Variants in CCNY observed in about 807,000 individuals in gnomAD.
CCNY encodes the protein cyclin-Y.
CCNY carries 19 observed loss-of-function variants against 42.8 expected under a neutral mutation model. The observed-to-expected ratio is 0.44, with a 90% CI of 0.31 to 0.65. The LOEUF (loss-of-function observed/expected upper bound fraction) is 0.65, where lower values mean the gene tolerates loss of function less well. Among genes scored for constraint, CCNY ranks in the 30% least tolerant of loss-of-function variants. The pLI, the probability that CCNY is intolerant of heterozygous loss-of-function variation, is 0.07. For synonymous variants in CCNY, 165 were observed against 162.7 expected, an observed-to-expected ratio of 1.01 and a Z score of -0.11; for missense variants, 370 against 437.3, an observed-to-expected ratio of 0.85 and a Z score of 1.37.
chr10:35,565,186 G>T (rs752215975), intron 8 of CCNY, among the ~76,000 whole-genome samples: 39 of 152,218 alleles, frequency 2.6e-4, no homozygotes, highest in South Asian at 8.3e-4. Flanking sequence ...ATTTCTCCCA[G>T]CATTCCATCA....
At chr10:35,260,774 G>A (rs2095718953) in intron 3 of CCNY, among the ~76,000 whole-genome samples, 1 of 152,206 alleles carries the variant, frequency 6.6e-6, no homozygotes, top group Non-Finnish European at 1.5e-5. Context: ...ATTAGAAGCT[G>A]ATAGTTCCAT....
intron 1 of CCNY, among the ~76,000 whole-genome samples, chr10:35,383,885 G>T (rs191929058): frequency 6.6e-6 from 1 of 152,028 alleles, no homozygotes; most frequent in African/African-American, 2.4e-5. Context: ...TTTCTTTCCT[G>T]CACTACTCTA....
chr10:35,516,720 C>T (rs1489814809), intron 4 of CCNY, 97 bp downstream of exon 4: 24 of 721,492 alleles, frequency 3.3e-5, no homozygotes, highest in Non-Finnish European at 5.1e-5. Context: ...GTTCCTTAAC[C>T]TGACAGCTAA....
At chr10:35,248,852 GA>G (rs1326030701) in intron 2 of CCNY, among the ~76,000 whole-genome samples, 1 of 152,046 alleles carries the variant, frequency 6.6e-6, no homozygotes, top group Non-Finnish European at 1.5e-5. Context: ...AAAAGAAAAA[GA>G]AAATCAAACT....
chr10:35,429,889 T>C, intron 1 of CCNY, among the ~76,000 whole-genome samples: 1 of 152,208 alleles, frequency 6.6e-6, no homozygotes. Context: ...GCCGCTAACC[T>C]TGAATATTTG....
intron 1 of CCNY, among the ~76,000 whole-genome samples, chr10:35,404,244 A>G (rs1837708053): frequency 6.6e-6 from 1 of 152,218 alleles, no homozygotes; most frequent in Non-Finnish European, 1.5e-5. Context: ...GCTAGGCTAA[A>G]ACAGTAAGGC....
intron 3 of CCNY, among the ~76,000 whole-genome samples, chr10:35,510,472 T>C (rs1385619507): frequency 1.3e-5 from 2 of 152,168 alleles, no homozygotes; most frequent in African/African-American, 4.8e-5. Context: ...CCACTTGGGC[T>C]TCCCAAAGTG....
intron 1 of CCNY, among the ~76,000 whole-genome samples, chr10:35,390,457 C>A (rs964781734): frequency 6.6e-6 from 1 of 152,180 alleles, no homozygotes; most frequent in Admixed American, 6.5e-5. Flanking sequence ...AAAGCTAGCC[C>A]TAAAGAAAAC....
Position 35,553,011 on chromosome 10 carries a change from C to T in CCNY, c.580-8C>T, listed in dbSNP as rs753894235. 2 of 1,612,430 alleles carry T rather than the reference C, an allele frequency of 1.2e-6. No individual in the cohort carries two copies. The highest frequency in any genetic ancestry group is 8.5e-7 in the Non-Finnish European group (1 of 1,178,578). On this transcript the variant is annotated splice_polypyrimidine_tract_variant and splice_region_variant and intron_variant, in intron 7 of 9. Coordinates refer to ENST00000374704, the MANE Select transcript of CCNY (RefSeq NM_145012.6). The stretch of plus-strand genomic sequence containing the variant: ...TCACTTAGCTCTGGCATTGTCTTGT[C>T]TTCCCAGGTGTACCTTGAAAGACTT...
At chr10:35,389,742 T>C (rs1410029721) in intron 1 of CCNY, among the ~76,000 whole-genome samples, 1 of 152,154 alleles carries the variant, frequency 6.6e-6, no homozygotes, top group African/African-American at 2.4e-5. Context: ...CGGCTGAGAA[T>C]TGTGACTCTT....
At chr10:35,428,825 TG>T (rs1838324421) in intron 1 of CCNY, among the ~76,000 whole-genome samples, 1 of 152,058 alleles carries the variant, frequency 6.6e-6, no homozygotes, top group South Asian at 2.1e-4. Context: ...GTTTGTGCAA[TG>T]GGATGATGGT....
intron 1 of CCNY, among the ~76,000 whole-genome samples, chr10:35,428,151 G>C (rs899393557): frequency 2.0e-5 from 3 of 152,236 alleles, no homozygotes; most frequent in African/African-American, 7.2e-5. Context: ...GTGGAACAAA[G>C]CAGATGCTGT....
chr10:35,509,163 C>T (rs1275311546), intron 3 of CCNY, among the ~76,000 whole-genome samples: 1 of 152,178 alleles, frequency 6.6e-6, no homozygotes, highest in Non-Finnish European at 1.5e-5. Context: ...GGCTTATTTT[C>T]TCGCTTTCAT....
At chr10:35,489,281 C>T (rs1488795037) in intron 2 of CCNY, among the ~76,000 whole-genome samples, 1 of 152,158 alleles carries the variant, frequency 6.6e-6, no homozygotes, top group African/African-American at 2.4e-5. Flanking sequence ...TATTCATCAT[C>T]AAAGCCTTTG....
At chr10:35,488,366 T>C (rs1839828923) in intron 2 of CCNY, among the ~76,000 whole-genome samples, 1 of 152,232 alleles carries the variant, frequency 6.6e-6, no homozygotes, top group Non-Finnish European at 1.5e-5. Flanking sequence ...CCTCCTCTTA[T>C]CTAGCATTTA....
intron 3 of CCNY, among the ~76,000 whole-genome samples, chr10:35,285,005 A>C (rs994067273): frequency 6.6e-5 from 10 of 151,994 alleles, no homozygotes; most frequent in African/African-American, 2.4e-4. Context: ...TAAGTTTGTT[A>C]CAGTTTGTTT....
Position 35,530,208 on chromosome 10 carries a change from G to C in CCNY, c.544G>C (p.Ala182Pro). The change falls in exon 7 of 10, where the codon GCT (alanine) becomes CCT (proline). Residue 182 changes from alanine to proline, a missense_variant. By Grantham distance (27) the Ala-to-Pro change is conservative. Around this residue, in one of 2 missense-constraint regions of CCNY, gnomAD observed 234 missense variants for 313.1 expected, o/e 0.75. Coordinates refer to ENST00000374704, the MANE Select transcript of CCNY (RefSeq NM_145012.6). The surrounding 1 kb of genome is among the most constrained non-coding windows in gnomAD (Gnocchi z 4.3). The part of the protein sequence containing the change: ...YRFVRTLFSA[A>P]QLTAECAIVT... The stretch of plus-strand genomic sequence containing the variant: ...GTTCGTTCGGACACTGTTCAGTGCT[G>C]CTCAGCTGACGGCTGAATGTGCCAT... 1.2e-6 allele frequency: 2 copies of C among 1,614,230 alleles called. No individual in the cohort carries two copies. The highest frequency in any genetic ancestry group is 3.3e-5 in the Admixed American group (2 of 60,032).
At chr10:35,402,033 T>A (rs1217529252) in intron 1 of CCNY, among the ~76,000 whole-genome samples, 1 of 152,194 alleles carries the variant, frequency 6.6e-6, no homozygotes, top group Non-Finnish European at 1.5e-5. Context: ...TGTCTTCTTA[T>A]ATTAATAAGA....
chr10:35,534,253 C>T (rs1318899014), intron 7 of CCNY, among the ~76,000 whole-genome samples: 2 of 152,120 alleles, frequency 1.3e-5, no homozygotes, highest in African/African-American at 4.8e-5. Context: ...CACTCCTGAC[C>T]TCAAGTGATC....
Sources: gnomAD v4.1 joint callset for allele counts (sites outside exome capture counted in the v4.1 genomes callset) on GRCh38, gnomAD v4.1.1 for gene constraint, gnomAD v4.1.1 regional missense constraint, Gnocchi (gnomAD v3.1) non-coding constraint, MANE v1.5 for transcripts, NCBI Gene and HGNC (gene_info 2026-07-23, HGNC 2026-07-21) for gene names.